RALYL: variants seen among roughly 807,000 people sequenced by gnomAD.
RALYL encodes RNA-binding Raly-like protein.
RALYL carries 29 observed loss-of-function variants against 35.1 expected under a neutral mutation model. That is an observed-to-expected ratio of 0.83 (90% CI 0.61 to 1.13). The LOEUF (loss-of-function observed/expected upper bound fraction) is 1.13. Among genes scored for constraint, RALYL ranks in the 50% most tolerant of loss-of-function variants. RALYL has a pLI of 0.00. For synonymous variants in RALYL, 120 were observed against 127.6 expected, an observed-to-expected ratio of 0.94 and a Z score of 0.40; for missense variants, 359 against 360.4, an observed-to-expected ratio of 1.00 and a Z score of 0.03.
Position 84,431,914 on chromosome 8 carries a change from G to A in RALYL, c.-23-97385G>A, listed in dbSNP as rs73306339. ...CCTTTGGTTATATACCCAGTGGGGGGATTGCTGGATAATAAGAAAACAAGC... is the reference window on the plus strand; with the variant it reads ...CCTTTGGTTATATACCCAGTGGGGGAATTGCTGGATAATAAGAAAACAAGC... On this transcript the variant is annotated intron_variant, in intron 1 of 8. Coordinates refer to ENST00000521268, the MANE Select transcript of RALYL (RefSeq NM_173848.7). 3.9e-3 allele frequency among the ~76,000 whole-genome samples: 598 copies of A among 152,266 alleles called. 5 individuals carry two copies. Among genetic ancestry groups the A allele is most frequent in the African/African-American group, 0.014 (569 of 41,554 alleles).
chr8:84,262,513 T>G (rs962031622), intron 1 of RALYL, among the ~76,000 whole-genome samples: 4 of 152,174 alleles, frequency 2.6e-5, no homozygotes, highest in Admixed American at 6.5e-5. Flanking sequence ...CTATGATTTG[T>G]TGTTTTTTAT....
At position 84,287,632 on chromosome 8, in the gene RALYL, GA is replaced by G. The variant is rs368712308; in HGVS notation, c.-24+103216del. Reference sequence around the variant, plus strand: ...ACCCATTGTTTCGAAGGCCATGGGGGAAAAAAAAGCCCCTTAATAGGGCTAT... The same window carrying G: ...ACCCATTGTTTCGAAGGCCATGGGGGAAAAAAAGCCCCTTAATAGGGCTAT... On this transcript the variant is annotated intron_variant, in intron 1 of 8. Transcript: ENST00000521268. Among the ~76,000 whole-genome samples, 1,215 of 151,480 alleles carry G rather than the reference GA, an allele frequency of 8.0e-3. 20 individuals carry two copies. The highest frequency in any genetic ancestry group is 0.028 in the African/African-American group (1,158 of 41,326).
intron 4 of RALYL, among the ~76,000 whole-genome samples, chr8:84,842,295 G>A (rs1833589904): frequency 6.6e-6 from 1 of 152,150 alleles, no homozygotes; most frequent in Non-Finnish European, 1.5e-5. Flanking sequence ...TATCACCAGT[G>A]ATCCCACAGA....
At chr8:84,876,050 C>T (rs541761780) in intron 7 of RALYL, among the ~76,000 whole-genome samples, 1 of 152,048 alleles carries the variant, frequency 6.6e-6, no homozygotes, top group African/African-American at 2.4e-5. Flanking sequence ...GAAGCGAACT[C>T]CTAAGCTCTC....
chr8:84,393,776 C>T (rs1052674178), intron 1 of RALYL, among the ~76,000 whole-genome samples: 2 of 152,058 alleles, frequency 1.3e-5, no homozygotes, highest in African/African-American at 4.8e-5. Context: ...ATTTATTAAA[C>T]CTTCTAAGCA....
intron 5 of RALYL, among the ~76,000 whole-genome samples, chr8:84,852,609 T>C (rs867171537): frequency 1.3e-5 from 2 of 152,220 alleles, no homozygotes; most frequent in Non-Finnish European, 2.9e-5. Flanking sequence ...ATCATATGAC[T>C]TCCTTATACA....
intron 1 of RALYL, among the ~76,000 whole-genome samples, chr8:84,353,329 T>G (rs1851254715): frequency 6.7e-6 from 1 of 150,346 alleles, no homozygotes; most frequent in Admixed American, 6.6e-5. Context: ...ATCTGTAAAC[T>G]TTCCATCTCC....
chr8:84,867,536 T>G (rs937072854), intron 6 of RALYL, among the ~76,000 whole-genome samples: 1 of 152,192 alleles, frequency 6.6e-6, no homozygotes, highest in African/African-American at 2.4e-5. Flanking sequence ...ATATGTTGCA[T>G]CAGTCGGTGA....
At chr8:84,395,739 A>G (rs974939565) in intron 1 of RALYL, among the ~76,000 whole-genome samples, 4 of 151,954 alleles carry the variant, frequency 2.6e-5, no homozygotes, top group Non-Finnish European at 1.5e-5. Context: ...AACTATTTTA[A>G]AATATACTCT....
At chr8:84,205,696 C>G (rs1439015728) in intron 1 of RALYL, among the ~76,000 whole-genome samples, 2 of 152,202 alleles carry the variant, frequency 1.3e-5, no homozygotes, top group Non-Finnish European at 2.9e-5. Context: ...CTTTGTAAAT[C>G]TACCTTAACA....
intron 1 of RALYL, among the ~76,000 whole-genome samples, chr8:84,415,969 C>T (rs1298507292): frequency 6.6e-6 from 1 of 152,140 alleles, no homozygotes; most frequent in Non-Finnish European, 1.5e-5. Flanking sequence ...GATTTCAGAA[C>T]TTTGTAAGGC....
At chr8:84,798,340 AG>A (rs1822418632) in intron 3 of RALYL, among the ~76,000 whole-genome samples, 1 of 149,098 alleles carries the variant, frequency 6.7e-6, no homozygotes, top group African/African-American at 2.5e-5. Context: ...AAAAAAAAAA[AG>A]TAATAACAAT....
At chr8:84,798,925 G>A (rs1055494661) in intron 3 of RALYL, among the ~76,000 whole-genome samples, 2 of 152,312 alleles carry the variant, frequency 1.3e-5, no homozygotes, top group East Asian at 1.9e-4. Context: ...TGGCTGGAGC[G>A]TGGAGTCTGT....
rs568993093 is a variant in RALYL, at chr8:84,796,277, T to C, written c.333-8493T>C. Among the ~76,000 whole-genome samples the C allele has an allele frequency of 2.6e-5, 4 of 152,222 alleles. No homozygotes were observed. In the South Asian group the frequency reaches 8.3e-4, roughly 32 times the overall value. On this transcript the variant is annotated intron_variant, in intron 3 of 8. Transcript: ENST00000521268. ...CCTAATAATGTGTCTCCTAGGCATC[T>C]TGGCCCAGGCCAGCCAGCACAGAAG...
chr8:84,774,688 T>C, intron 3 of RALYL, 34 bp downstream of exon 3: 1 of 1,429,210 alleles, frequency 7.0e-7, no homozygotes, highest in Non-Finnish European at 9.7e-7. Flanking sequence ...CTCTATATAT[T>C]AGTGAAATTT....
intron 2 of RALYL, among the ~76,000 whole-genome samples, chr8:84,615,185 T>C (rs1819191952): frequency 6.6e-6 from 1 of 151,818 alleles, no homozygotes; most frequent in Non-Finnish European, 1.5e-5. Context: ...AAATGAATTG[T>C]TACTTTTTTG....
At chr8:84,487,289 C>T (rs969738030) in intron 1 of RALYL, among the ~76,000 whole-genome samples, 2 of 151,972 alleles carry the variant, frequency 1.3e-5, no homozygotes, top group Non-Finnish European at 2.9e-5. Flanking sequence ...TGTTTTGAGT[C>T]GCCTGCACCC....
At chr8:84,519,905 C>A (rs1266926714) in intron 1 of RALYL, among the ~76,000 whole-genome samples, 1 of 152,210 alleles carries the variant, frequency 6.6e-6, no homozygotes, top group African/African-American at 2.4e-5. Flanking sequence ...AATGGAGTCC[C>A]ATGGTCCTCG....
intron 4 of RALYL, among the ~76,000 whole-genome samples, chr8:84,805,199 A>G (rs1824306618): frequency 6.6e-6 from 1 of 152,040 alleles, no homozygotes; most frequent in African/African-American, 2.4e-5. Context: ...TTCGTCACCC[A>G]CTTCCCTAAG....
Sources: gnomAD v4.1 joint callset for allele counts (sites outside exome capture counted in the v4.1 genomes callset) on GRCh38, gnomAD v4.1.1 for gene constraint, MANE v1.5 for transcripts, NCBI Gene and HGNC (gene_info 2026-07-23, HGNC 2026-07-21) for gene names.